The following TBC1D22A variants were observed in gnomAD, a reference collection of about 807,000 sequenced individuals.
TBC1D22A encodes putative GTPase activator.
A neutral mutation model predicts 60.2 loss-of-function variants in TBC1D22A; 38 were observed. The observed-to-expected ratio is 0.63, with a 90% CI of 0.49 to 0.83. TBC1D22A has a LOEUF of 0.83. Among genes scored for constraint, TBC1D22A ranks in the 40% least tolerant of loss-of-function variants. The pLI, the probability that TBC1D22A is intolerant of heterozygous loss-of-function variation, is 0.00. For synonymous variants in TBC1D22A, 302 were observed against 281.7 expected, an observed-to-expected ratio of 1.07 and a Z score of -0.72; for missense variants, 628 against 701.0, an observed-to-expected ratio of 0.90 and a Z score of 1.18.
intron 4 of TBC1D22A, among the ~76,000 whole-genome samples, chr22:46,861,647 G>A (rs559785780): frequency 1.1e-4 from 16 of 152,204 alleles, no homozygotes; most frequent in Non-Finnish European, 1.6e-4. Flanking sequence ...CCAGAATTGC[G>A]CACCTCCCAG....
chr22:46,805,938 C>T (rs926174628), intron 4 of TBC1D22A, among the ~76,000 whole-genome samples: 11 of 151,954 alleles, frequency 7.2e-5, no homozygotes, highest in Non-Finnish European at 1.6e-4. Context: ...CTGCAGCCTC[C>T]GCCTCCCAGG....
At chr22:47,026,179 C>G (rs2062251937) in intron 10 of TBC1D22A, among the ~76,000 whole-genome samples, 2 of 152,110 alleles carry the variant, frequency 1.3e-5, no homozygotes, top group South Asian at 4.2e-4. Context: ...AATCCAATAT[C>G]CACTCTCAAT....
chr22:47,045,046 A>G (rs899038282), intron 11 of TBC1D22A, among the ~76,000 whole-genome samples: 1 of 152,216 alleles, frequency 6.6e-6, no homozygotes, highest in Non-Finnish European at 1.5e-5. Flanking sequence ...GTCAGCCTCC[A>G]TGGCCCTTCA....
intron 5 of TBC1D22A, among the ~76,000 whole-genome samples, chr22:46,880,423 C>G (rs1041859418): frequency 1.3e-5 from 2 of 152,156 alleles, no homozygotes; most frequent in Admixed American, 1.3e-4. Flanking sequence ...TTATAGTGAT[C>G]TTGGGGGCCC....
chr22:46,863,575 T>G (rs929802214), intron 4 of TBC1D22A, among the ~76,000 whole-genome samples: 3 of 152,194 alleles, frequency 2.0e-5, no homozygotes, highest in African/African-American at 7.2e-5. Context: ...GTATTTAACC[T>G]TGTCATTTGA....
Position 46,917,384 on chromosome 22 carries a change from C to T in TBC1D22A, c.1015+5196C>T, listed in dbSNP as rs560083269. 2.0e-5 allele frequency among the ~76,000 whole-genome samples: 3 copies of T among 152,152 alleles called. No individual in the cohort carries two copies. The South Asian group carries it at 6.2e-4, about 32-fold the overall frequency. On this transcript the variant is annotated intron_variant, in intron 8 of 12. Transcript: ENST00000337137. ...GGAGACTCGCTGACGGAGGACTGGG[C>T]CTGAGAGGAGGGCCTGGTCCTGGAT...
chr22:47,036,569 C>G (rs758643457), intron 10 of TBC1D22A, among the ~76,000 whole-genome samples: 14 of 152,216 alleles, frequency 9.2e-5, no homozygotes, highest in Non-Finnish European at 1.6e-4. Context: ...CTTCACCTGG[C>G]CTGCAGGCCT....
chr22:47,164,691 A>G (rs9626952), intron 12 of TBC1D22A, among the ~76,000 whole-genome samples: 29,466 of 152,202 alleles, frequency 0.19, 3,594 homozygotes, highest in African/African-American at 0.35. Context: ...AAGTGGGCCA[A>G]GCACAATCTG....
intron 8 of TBC1D22A, among the ~76,000 whole-genome samples, chr22:46,966,704 G>T (rs1261367736): frequency 3.3e-5 from 5 of 152,206 alleles, no homozygotes; most frequent in Non-Finnish European, 5.9e-5. Context: ...CTATCCCACA[G>T]TTGATATTTT....
intron 12 of TBC1D22A, among the ~76,000 whole-genome samples, chr22:47,127,818 G>A (rs2147106653): frequency 6.6e-6 from 1 of 151,812 alleles, no homozygotes; most frequent in South Asian, 2.1e-4. Context: ...TGCTTTTGTG[G>A]CAAGTGCCTT....
rs534970567 is a variant in TBC1D22A at position 47,099,450 on chromosome 22, GT to G, written c.1330-12046del. ...TGCTTTCTTTCTTTTTTCTTTTGTT[GT>G]TTTTTTTTTTTGAAACGGAGTTTCG... On this transcript the variant is annotated intron_variant, in intron 11 of 12. Transcript: ENST00000337137. Among the ~76,000 whole-genome samples, 83 of 144,996 alleles carry G rather than the reference GT, an allele frequency of 5.7e-4. No individual in the cohort carries two copies. In the East Asian group the frequency reaches 8.2e-3, roughly 14 times the overall value.
rs996980543 is a variant in TBC1D22A, at chr22:46,966,732, G to C, written c.1016-7558G>C. On this transcript the variant is annotated intron_variant, in intron 8 of 12. Coordinates refer to ENST00000337137, the MANE Select transcript of TBC1D22A (RefSeq NM_014346.5). The stretch of plus-strand genomic sequence containing the variant: ...GATATTTTCCCAAGTGTTGCCTGCA[G>C]ACTTTTTCCACATGGAATTTGGTAC... 3.3e-5 allele frequency among the ~76,000 whole-genome samples: 5 copies of C among 152,342 alleles called. No individual in the cohort carries two copies. The South Asian group carries it at 6.2e-4, about 19-fold the overall frequency.
intron 8 of TBC1D22A, among the ~76,000 whole-genome samples, chr22:46,938,372 G>A (rs2071782854): frequency 6.6e-6 from 1 of 152,190 alleles, no homozygotes; most frequent in Non-Finnish European, 1.5e-5. Context: ...TATAGCCTAG[G>A]TGTGCAGTAG....
At chr22:46,916,038 C>T (rs9616151) in intron 8 of TBC1D22A, 31,602 of 437,584 alleles carry the variant, frequency 0.072, 1,408 homozygotes, top group Non-Finnish European at 0.1. Flanking sequence ...GACAGATCAT[C>T]CCCCGAGGAT....
intron 11 of TBC1D22A, among the ~76,000 whole-genome samples, chr22:47,090,351 C>A (rs905295326): frequency 1.3e-5 from 2 of 149,154 alleles, no homozygotes; most frequent in African/African-American, 4.9e-5. Flanking sequence ...GACGGGGCGT[C>A]TTGGAGGTGC....
chr22:47,134,098 C>T (rs527310862), intron 12 of TBC1D22A, among the ~76,000 whole-genome samples: 105 of 152,268 alleles, frequency 6.9e-4, no homozygotes, highest in African/African-American at 1.9e-3. Context: ...ACTTTGCTGG[C>T]GTCTCTTCCC....
chr22:46,969,319 A>C, intron 8 of TBC1D22A, among the ~76,000 whole-genome samples: 2 of 151,832 alleles, frequency 1.3e-5, no homozygotes, highest in South Asian at 2.1e-4. Flanking sequence ...CACTCCCCCC[A>C]CCTTGCAGGA....
chr22:47,094,081 T>C (rs1038155531), intron 11 of TBC1D22A, among the ~76,000 whole-genome samples: 1 of 152,184 alleles, frequency 6.6e-6, no homozygotes, highest in Non-Finnish European at 1.5e-5. Flanking sequence ...GGCATCTAGC[T>C]GTCTGGATGC....
At chr22:47,164,076 G>A (rs1317719601) in intron 12 of TBC1D22A, among the ~76,000 whole-genome samples, 2 of 152,238 alleles carry the variant, frequency 1.3e-5, no homozygotes, top group African/African-American at 2.4e-5. Flanking sequence ...GCTGCTGTGC[G>A]GAGGTCTGAG....
Sources: gnomAD v4.1 joint callset for allele counts (sites outside exome capture counted in the v4.1 genomes callset) on GRCh38, gnomAD v4.1.1 for gene constraint, MANE v1.5 for transcripts, NCBI Gene and HGNC (gene_info 2026-07-23, HGNC 2026-07-21) for gene names.